The following RABL6 variants were observed in gnomAD, a reference collection of about 807,000 sequenced individuals.
RABL6 encodes RAB, member RAS oncogene family like 6, also known as rab-like protein 6.
A neutral mutation model predicts 72.9 loss-of-function variants in RABL6; 28 were observed. That is an observed-to-expected ratio of 0.38 (90% CI 0.28 to 0.53). The LOEUF (loss-of-function observed/expected upper bound fraction) is 0.53, where lower values mean the gene tolerates loss of function less well. Among genes scored for constraint, RABL6 ranks in the 20% least tolerant of loss-of-function variants. The probability of loss-of-function intolerance (pLI) is 0.80; values close to 1 mark genes in which losing one functional copy is unlikely to be tolerated. For missense variants in RABL6, 1,029 were observed against 1,008.4 expected (o/e 1.02, Z -0.28); for synonymous variants, 477 against 421.2 (o/e 1.13, Z -1.62).
intron 5 of RABL6, 85 bp from the exon 6 acceptor site, chr9:136,831,636 C>G (rs190484477): frequency 6.4e-7 from 1 of 1,568,378 alleles, no homozygotes. Flanking sequence ...CCACCATCCT[C>G]GGGCCTGGGC....
Position 136,821,410 on chromosome 9 carries a change from C to T in RABL6, c.131-2115C>T, listed in dbSNP as rs1848233620. On this transcript the variant is annotated intron_variant, in intron 1 of 14. Transcript: ENST00000311502. ...CAGCGCGTGGGCCGCCTGAGCGGTG[C>T]CGGGGCGGGGAGGCAGGGCCGCCGC... 6.1e-6 allele frequency: 6 copies of T among 985,302 alleles called. No homozygotes were observed. In the South Asian group the frequency reaches 1.9e-4, roughly 31 times the overall value. The allele number at this position is 985,302 out of a possible 1,614,324, so 61.0% of individuals were successfully genotyped here.
intron 5 of RABL6, among the ~76,000 whole-genome samples, chr9:136,830,583 G>C (rs1433528109): frequency 6.6e-6 from 1 of 152,288 alleles, no homozygotes; most frequent in East Asian, 1.9e-4. Context: ...GGCCTCTCCT[G>C]TCTAGGCAGC....
At position 136,826,746 on chromosome 9, in the gene RABL6, T is replaced by C. The variant is rs557723309; in HGVS notation, c.313+920T>C. ...AGGTGGCCACCCACCGCCCTATCAT[T>C]GTCCTCATCCCCACTGTGAGGAGAA... On this transcript the variant is annotated intron_variant, in intron 3 of 14. Transcript: ENST00000311502. The surrounding 1 kb of genome is among the most constrained non-coding windows in gnomAD (Gnocchi z 4.9). The C allele has an allele frequency of 1.3e-5, 2 of 152,300 alleles. No individual in the cohort carries two copies. The highest frequency in any genetic ancestry group is 6.5e-5 in the Admixed American group (1 of 15,272). The allele number at this position is 152,300 out of a possible 1,614,324, so 9.4% of individuals were successfully genotyped here.
intron 1 of RABL6, among the ~76,000 whole-genome samples, chr9:136,818,365 A>AAAAAAAAAAAAAAC: frequency 4.3e-5 from 1 of 23,232 alleles, no homozygotes; most frequent in Non-Finnish European, 7.4e-5. Flanking sequence ...TCTGTCTCAA[A>AAAAAAAAAAAAAAC]AAAAAAAAAA....
chr9:136,818,743 A>C (rs1333596126), intron 1 of RABL6, among the ~76,000 whole-genome samples: 1 of 128,216 alleles, frequency 7.8e-6, no homozygotes, highest in Non-Finnish European at 1.5e-5. Flanking sequence ...AGACTTAATC[A>C]AAAAAAAAAA....
At chr9:136,813,995 C>A in intron 1 of RABL6, 1 of 400,876 alleles carries the variant, frequency 2.5e-6, no homozygotes, top group Non-Finnish European at 4.9e-6. Context: ...ACATCTTGCT[C>A]TTTCTTACTG....
At chr9:136,808,414 C>A in intron 1 of RABL6, 88 bp downstream of exon 1, 2 of 1,299,862 alleles carry the variant, frequency 1.5e-6, no homozygotes, top group South Asian at 2.0e-5. Flanking sequence ...GGGTGTCGGT[C>A]TCACCTGCTT....
rs750817298 is a variant in RABL6 at position 136,835,796 on chromosome 9, C to T, written c.760C>T (p.Leu254=). 7.7e-6 allele frequency: 12 copies of T among 1,554,722 alleles called. No homozygotes were observed. Among genetic ancestry groups the T allele is most frequent in the South Asian group, 1.2e-5 (1 of 84,294 alleles). ...GAACCAGCTGGACATGGACGCCACGCTGGAGGAGCTGTCGGTGCAGCAGGA... is the reference window on the plus strand; with the variant it reads ...GAACCAGCTGGACATGGACGCCACGTTGGAGGAGCTGTCGGTGCAGCAGGA... The part of the protein sequence containing the change: ...ETNQLDMDAT[L]EELSVQQETE... The change falls in exon 8 of 15, where the codon CTG becomes TTG. Residue 254 remains leucine (L), a synonymous_variant. Coordinates refer to ENST00000311502, the MANE Select transcript of RABL6 (RefSeq NM_024718.5).
chr9:136,809,543 A>C (rs1324082222), intron 1 of RABL6: 2 of 192,744 alleles, frequency 1.0e-5, no homozygotes, highest in Admixed American at 1.2e-4. Context: ...TTGGGAGGCC[A>C]AGGCGGGCAG....
intron 1 of RABL6, chr9:136,812,972 C>G: frequency 2.8e-6 from 1 of 352,796 alleles, no homozygotes; most frequent in Non-Finnish European, 5.6e-6. Context: ...TTGTTTCCCT[C>G]AATTTCACCA....
At chr9:136,832,118 C>T in intron 6 of RABL6, 147 bp from the exon 7 acceptor site, 8 of 903,330 alleles carry the variant, frequency 8.9e-6, no homozygotes, top group Non-Finnish European at 1.3e-5. Context: ...GGCTTAGCTG[C>T]TTAGCAGGGC....
At chr9:136,837,164 C>T (rs1313746234) in intron 8 of RABL6, 182 bp from the exon 9 acceptor site, 15 of 756,278 alleles carry the variant, frequency 2.0e-5, no homozygotes, top group East Asian at 1.1e-4. Context: ...CATGAGCCAC[C>T]GTGCCTGGCT....
At chr9:136,823,393 A>G in intron 1 of RABL6, 132 bp from the exon 2 acceptor site, 1 of 1,267,584 alleles carries the variant, frequency 7.9e-7, no homozygotes, top group South Asian at 1.5e-5. Context: ...CCTGCCGGTC[A>G]CCTGGTCTGA....
intron 1 of RABL6, chr9:136,815,126 G>T (rs1396862173): frequency 2.2e-5 from 6 of 275,688 alleles, no homozygotes; most frequent in Non-Finnish European, 3.5e-5. Flanking sequence ...CTTCATCACT[G>T]CTGGTTCAGA....
At chr9:136,818,117 A>G (rs560312548) in intron 1 of RABL6, among the ~76,000 whole-genome samples, 1 of 149,414 alleles carries the variant, frequency 6.7e-6, no homozygotes, top group Non-Finnish European at 1.5e-5. Context: ...TAATCCCAGC[A>G]CTTTGGGAGG....
chr9:136,821,920 C>A, intron 1 of RABL6: 2 of 1,285,822 alleles, frequency 1.6e-6, no homozygotes, highest in East Asian at 5.7e-5. Flanking sequence ...GCGCCTGGGT[C>A]CCCTCTGGAG....
intron 1 of RABL6, chr9:136,821,511 G>A (rs984900230): frequency 1.0e-6 from 1 of 985,404 alleles, no homozygotes; most frequent in African/African-American, 1.7e-5. Flanking sequence ...GCGAGGCTAT[G>A]CGTGCGCGGC....
In RABL6 at chr9:136,836,712, C is replaced by T. The variant is rs533594339; in HGVS notation, c.810-634C>T. 49 of 163,900 alleles carry T rather than the reference C, an allele frequency of 3.0e-4. No homozygotes were observed. The Middle Eastern group carries it at 9.1e-3, about 31-fold the overall frequency. 10.2% of individuals were successfully genotyped at this position (163,900 alleles called of 1,614,324 possible). ...GTGCTCCACCAAGCCCCAGCCCCCTCCTCTTCCCAGAAACCCCCGCTCACG... is the reference window on the plus strand; with the variant it reads ...GTGCTCCACCAAGCCCCAGCCCCCTTCTCTTCCCAGAAACCCCCGCTCACG... On this transcript the variant is annotated intron_variant, in intron 8 of 14. Coordinates refer to ENST00000311502, the MANE Select transcript of RABL6 (RefSeq NM_024718.5).
Position 136,837,960 on chromosome 9 carries a change from C to T in RABL6, c.1225C>T (p.Pro409Ser), listed in dbSNP as rs765209775. 1.6e-5 allele frequency: 25 copies of T among 1,567,966 alleles called. No individual in the cohort carries two copies. In the African/African-American group the frequency reaches 2.6e-4, roughly 16 times the overall value. Residue 409 changes from proline (P) to serine (S), a missense_variant, in exon 10 of 15, where the codon CCC becomes TCC. Pro to Ser is a moderately conservative substitution (Grantham distance 74, BLOSUM62 -1). This residue lies in a region of RABL6 where 595 missense variants were observed against 472.4 expected (regional missense o/e 1.26). Coordinates refer to ENST00000311502, the MANE Select transcript of RABL6 (RefSeq NM_024718.5). ...CCGCAGCTTCCTGGAAGACACAACC[C>T]CCGCCAGGGACGAGAAGAAGGTGGG... Reference protein sequence around the residue: ...LDRSFLEDTTPARDEKKVGAK... With the variant: ...LDRSFLEDTTSARDEKKVGAK...
Sources: gnomAD v4.1 joint callset for allele counts (sites outside exome capture counted in the v4.1 genomes callset) on GRCh38, gnomAD v4.1.1 for gene constraint, gnomAD v4.1.1 regional missense constraint, Gnocchi (gnomAD v3.1) non-coding constraint, MANE v1.5 for transcripts, NCBI Gene and HGNC (gene_info 2026-07-23, HGNC 2026-07-21) for gene names.